PPIC: variants seen among roughly 807,000 people sequenced by gnomAD.
PPIC encodes the protein peptidyl-prolyl cis-trans isomerase C.
PPIC carries 19 observed loss-of-function variants against 19.5 expected under a neutral mutation model. That is an observed-to-expected ratio of 0.98 (90% CI 0.68 to 1.43). The LOEUF (loss-of-function observed/expected upper bound fraction) is 1.43. PPIC is among the 40% of genes most tolerant of loss of function. PPIC has a pLI of 0.00. For missense variants in PPIC, 268 were observed against 268.6 expected (o/e 1.00, Z 0.02); for synonymous variants, 107 against 101.2 (o/e 1.06, Z -0.34).
At position 123,036,659 on chromosome 5, in the gene PPIC, C is replaced by T; in HGVS notation, c.-34G>A. 2.6e-6 allele frequency: 4 copies of T among 1,533,100 alleles called. No individual in the cohort carries two copies. Among genetic ancestry groups the T allele is most frequent in the Non-Finnish European group, 3.5e-6 (4 of 1,132,276 alleles). The allele number at this position is 1,533,100 out of a possible 1,614,324, so 95.0% of individuals were successfully genotyped here. A position where few individuals can be genotyped will look rare whatever the true frequency, so the allele number is the denominator to read the frequency against. On this transcript the variant is annotated 5_prime_UTR_variant, in exon 1 of 5. Coordinates refer to ENST00000306442, the MANE Select transcript of PPIC (RefSeq NM_000943.5). This position sits in a 1 kb window ranked among gnomAD's most constrained non-coding sequence, Gnocchi z 4.5. ...GTGGCAGCGGCGCTACCGGCACGGG[C>T]GCTACCGGCACGGGCGCGACACAGG...
chr5:123,028,798 A>G lies in PPIC; in HGVS notation c.302T>C (p.Ile101Thr). The G allele has an allele frequency of 1.2e-6, 2 of 1,613,604 alleles. No individual in the cohort carries two copies. Among genetic ancestry groups the G allele is most frequent in the Middle Eastern group, 1.7e-4 (1 of 6,058 alleles). Residue 101 changes from isoleucine to threonine, a missense_variant, in exon 3 of 5, where the codon ATC becomes ACC. Coordinates refer to ENST00000306442, the MANE Select transcript of PPIC (RefSeq NM_000943.5). Reference protein sequence around the residue: ...IKDFMIQGGDITTGDGTGGVS... With the variant: ...IKDFMIQGGDTTTGDGTGGVS... Reference sequence around the variant, plus strand: ...ACCCCCAGTGCCATCTCCAGTGGTGATGTCACCTCCTTGAATCATGAAATC... The same window carrying G: ...ACCCCCAGTGCCATCTCCAGTGGTGGTGTCACCTCCTTGAATCATGAAATC...
intron 1 of PPIC, among the ~76,000 whole-genome samples, chr5:123,033,176 G>C (rs1454657650): frequency 6.6e-6 from 1 of 152,146 alleles, no homozygotes; most frequent in African/African-American, 2.4e-5. Flanking sequence ...TTCCTTTCAG[G>C]TCTGCTCTGT....
chr5:123,030,895 G>T (rs1361480241), intron 1 of PPIC, among the ~76,000 whole-genome samples: 13 of 152,268 alleles, frequency 8.5e-5, no homozygotes, highest in Admixed American at 3.3e-4. Flanking sequence ...CGAGACACTA[G>T]AAGAGCCTTC....
chr5:123,023,817 C>CAA lies in PPIC; in HGVS notation c.*57_*58insTT. ...ATTGAAAGACAACACAACACACACA[C>CAA]ACACACACACACACACACACCCCTG... On this transcript the variant is annotated 3_prime_UTR_variant, in exon 5 of 5. Coordinates refer to ENST00000306442, the MANE Select transcript of PPIC (RefSeq NM_000943.5). The CAA allele has an allele frequency of 6.3e-7, 1 of 1,579,080 alleles. No individual in the cohort carries two copies. Among genetic ancestry groups the CAA allele is most frequent in the Middle Eastern group, 2.0e-4 (1 of 4,916 alleles).
rs1325576643 is a variant in PPIC at position 123,029,199 on chromosome 5, G to A, written c.231+106C>T. On this transcript the variant is annotated intron_variant, in intron 2 of 4. Coordinates refer to ENST00000306442, the MANE Select transcript of PPIC (RefSeq NM_000943.5). ...TGGAAAATAAAGTCAAATGTGGTAA[G>A]GTTCATCTGACATACTAATTTAATA... The A allele has an allele frequency of 6.3e-6, 10 of 1,579,810 alleles. No homozygotes were observed. In the Admixed American group the frequency reaches 1.8e-4, roughly 28 times the overall value.
intron 3 of PPIC, 56 bp downstream of exon 3, chr5:123,028,719 G>T: frequency 1.4e-6 from 2 of 1,420,754 alleles, no homozygotes; most frequent in Non-Finnish European, 9.9e-7. Context: ...TCATATACTG[G>T]CTTAACCTTA....
rs1027260625 is a variant in PPIC at position 123,036,563 on chromosome 5, C to G, written c.63G>C (p.Val21=). The G allele has an allele frequency of 4.4e-6, 7 of 1,602,844 alleles. No homozygotes were observed. The highest frequency in any genetic ancestry group is 6.0e-6 in the Non-Finnish European group (7 of 1,176,150). The change falls in exon 1 of 5, where the codon GTG becomes GTC. Residue 21 remains valine, a synonymous_variant. Coordinates refer to ENST00000306442, the MANE Select transcript of PPIC (RefSeq NM_000943.5). This position sits in a 1 kb window ranked among gnomAD's most constrained non-coding sequence, Gnocchi z 4.5. ...GGAAGCCCTCGGCCCCCGAAGAAAA[C>G]ACAAGTGCGCCGAGCCCCACGCAAA... The part of the protein sequence containing the change: ...LVLCVGLGAL[V]FSSGAEGFRK...
At position 123,025,987 on chromosome 5, in the gene PPIC, G is replaced by A. The variant is rs1381064100; in HGVS notation, c.326-19C>T. ...CTCACACCTGAGACAAAACAAGGAA[G>A]AAAGTCAACAGATGTCTTCCAAAAG... On this transcript the variant is annotated intron_variant, in intron 3 of 4. Coordinates refer to ENST00000306442, the MANE Select transcript of PPIC (RefSeq NM_000943.5). The A allele has an allele frequency of 6.4e-7, 1 of 1,572,654 alleles. No homozygotes were observed. The highest frequency in any genetic ancestry group is 8.6e-7 in the Non-Finnish European group (1 of 1,162,114).
At chr5:123,032,590 T>C (rs2150190501) in intron 1 of PPIC, among the ~76,000 whole-genome samples, 1 of 152,112 alleles carries the variant, frequency 6.6e-6, no homozygotes, top group East Asian at 1.9e-4. Context: ...CTAAACCCTC[T>C]CACCACTGGA....
chr5:123,028,849 C>T lies in PPIC; in HGVS notation c.251G>A (p.Gly84Glu), dbSNP rs201311163. Residue 84 changes from glycine (G) to glutamate (E), a missense_variant, in exon 3 of 5, where the codon GGA (glycine) becomes GAA (glutamate). Transcript: ENST00000306442. ...ATGEKGYGYK[G>E]SKFHRVIKDF... ...CTTGATGACACGATGAAACTTGCTTCCTTTATATCCATATCCTTTCTAAAG... is the reference window on the plus strand; with the variant it reads ...CTTGATGACACGATGAAACTTGCTTTCTTTATATCCATATCCTTTCTAAAG... 19 of 1,611,008 alleles carry T rather than the reference C, an allele frequency of 1.2e-5. No homozygotes were observed. In the East Asian group the frequency reaches 4.0e-4, roughly 34 times the overall value.
At position 123,023,955 on chromosome 5, in the gene PPIC, G is replaced by C; in HGVS notation, c.559C>G (p.Pro187Ala). The C allele has an allele frequency of 6.2e-7, 1 of 1,614,126 alleles. No individual in the cohort carries two copies. The highest frequency in any genetic ancestry group is 8.5e-7 in the Non-Finnish European group (1 of 1,180,020). The change falls in exon 5 of 5, where the codon CCA (proline) becomes GCA (alanine). Residue 187 changes from proline to alanine, a missense_variant. Physicochemically the swap from Pro to Ala is conservative, Grantham distance 27 (BLOSUM62 -1). Transcript: ENST00000306442. ...TTGATGATCGAGCAGTTGGTGAGTG[G>C]ACGGTCATGCCCATCAGTTGCTTGG... Reference protein sequence around the residue: ...ELQATDGHDRPLTNCSIINSG... With the variant: ...ELQATDGHDRALTNCSIINSG...
At chr5:123,035,975 G>C (rs930975002) in intron 1 of PPIC, among the ~76,000 whole-genome samples, 1 of 152,130 alleles carries the variant, frequency 6.6e-6, no homozygotes, top group African/African-American at 2.4e-5. Context: ...TTCCCCAAAA[G>C]AGGCGGAGGG....
In PPIC at chr5:123,036,090, G is replaced by C. The variant is rs1176194882; in HGVS notation, c.117+419C>G. Among the ~76,000 whole-genome samples, 1 of 152,118 alleles carries C rather than the reference G, an allele frequency of 6.6e-6. No individual in the cohort carries two copies. Among genetic ancestry groups the C allele is most frequent in the East Asian group, 1.9e-4 (1 of 5,174 alleles). On this transcript the variant is annotated intron_variant, in intron 1 of 4. Coordinates refer to ENST00000306442, the MANE Select transcript of PPIC (RefSeq NM_000943.5). This position sits in a 1 kb window ranked among gnomAD's most constrained non-coding sequence, Gnocchi z 4.5. ...CGGCTGCAAGCCCTGGGCTCCGAGC[G>C]CCTCTCCTGTGCGGGTCCCGCCCCC...
intron 3 of PPIC, among the ~76,000 whole-genome samples, chr5:123,027,187 G>A (rs1489404135): frequency 6.6e-6 from 1 of 151,922 alleles, no homozygotes; most frequent in Non-Finnish European, 1.5e-5. Flanking sequence ...GAGTGAGACT[G>A]TGTCTCAAAA....
Position 123,036,155 on chromosome 5 carries a change from A to C in PPIC, c.117+354T>G. 1 of 237,540 alleles carries C rather than the reference A, an allele frequency of 4.2e-6. No homozygotes were observed. The highest frequency in any genetic ancestry group is 8.3e-6 in the Non-Finnish European group (1 of 121,040). The allele number at this position is 237,540 out of a possible 1,614,324, so 14.7% of individuals were successfully genotyped here. Reference sequence around the variant, plus strand: ...CTCGTTCTGCTCCCGAGCCCAGGCCACGCTGAAGGAAGTACTTGGGCAGTC... The same window carrying C: ...CTCGTTCTGCTCCCGAGCCCAGGCCCCGCTGAAGGAAGTACTTGGGCAGTC... On this transcript the variant is annotated intron_variant, in intron 1 of 4. Transcript: ENST00000306442. The surrounding 1 kb of genome is among the most constrained non-coding windows in gnomAD (Gnocchi z 4.5).
Position 123,024,072 on chromosome 5 carries a change from A to G in PPIC, c.511-69T>C. ...GCTATAGCAATCCAAAGGTTAAACC[A>G]AAGCCAACTCCAAAAGCCCAAGTGG... On this transcript the variant is annotated intron_variant, in intron 4 of 4. Coordinates refer to ENST00000306442, the MANE Select transcript of PPIC (RefSeq NM_000943.5). The G allele has an allele frequency of 4.6e-6, 7 of 1,524,582 alleles. No individual in the cohort carries two copies. The South Asian group carries it at 9.2e-5, about 20-fold the overall frequency. 94.4% of individuals were successfully genotyped at this position (1,524,582 alleles called of 1,614,324 possible). A position where few individuals can be genotyped will look rare whatever the true frequency, so the allele number is the denominator to read the frequency against.
chr5:123,028,777 C>T lies in PPIC; in HGVS notation c.323G>A (p.Gly108Glu). 1 of 1,609,740 alleles carries T rather than the reference C, an allele frequency of 6.2e-7. No homozygotes were observed. Among genetic ancestry groups the T allele is most frequent in the East Asian group, 2.2e-5 (1 of 44,860 alleles). Residue 108 changes from glycine (G) to glutamate (E), a missense_variant and splice_region_variant, in exon 3 of 5, where the codon GGG becomes GAG. Coordinates refer to ENST00000306442, the MANE Select transcript of PPIC (RefSeq NM_000943.5). ...GGDITTGDGT[G>E]GVSIYGETFP... is the part of the protein sequence containing the mutation. The stretch of plus-strand genomic sequence containing the variant: ...AAGGAAAAATGCAAAGACGTTACCC[C>T]CAGTGCCATCTCCAGTGGTGATGTC...
intron 2 of PPIC, 193 bp from the exon 3 acceptor site, chr5:123,029,061 G>C: frequency 2.4e-6 from 2 of 817,624 alleles, no homozygotes; most frequent in Non-Finnish European, 3.7e-6. Context: ...TGGAAGTAGA[G>C]TATTAATGTG....
chr5:123,031,102 C>T (rs1053530089), intron 1 of PPIC, among the ~76,000 whole-genome samples: 1 of 152,230 alleles, frequency 6.6e-6, no homozygotes, highest in African/African-American at 2.4e-5. Context: ...AAATATCCTT[C>T]AGCTTCATGA....
Sources: gnomAD v4.1 joint callset for allele counts (sites outside exome capture counted in the v4.1 genomes callset) on GRCh38, gnomAD v4.1.1 for gene constraint, Gnocchi (gnomAD v3.1) non-coding constraint, MANE v1.5 for transcripts, NCBI Gene and HGNC (gene_info 2026-07-23, HGNC 2026-07-21) for gene names.